Variants in PCLO observed in about 807,000 individuals in gnomAD.
PCLO encodes protein piccolo.
A neutral mutation model predicts 427.5 loss-of-function variants in PCLO; 82 were observed. The ratio of observed to expected loss-of-function variants is 0.19; its 90% CI spans 0.16 to 0.23. The LOEUF is 0.23. PCLO is among the 10% of genes least tolerant of loss of function. The pLI is 1.00. For synonymous variants in PCLO, 2,357 were observed against 2,155.4 expected (o/e 1.09, Z -2.59); for missense variants, 6,239 against 6,115.9 (o/e 1.02, Z -0.67).
chr7:82,805,652 A>C (rs776830780), intron 21 of PCLO, 36 bp downstream of exon 21: 3 of 1,601,918 alleles, frequency 1.9e-6, no homozygotes, highest in Non-Finnish European at 2.6e-6. Context: ...CATGATGCTG[A>C]GTAAGCTTTG....
At chr7:82,876,849 G>T (rs1428887335) in intron 10 of PCLO, among the ~76,000 whole-genome samples, 1 of 152,036 alleles carries the variant, frequency 6.6e-6, no homozygotes, top group Non-Finnish European at 1.5e-5. Flanking sequence ...TATGGATTTG[G>T]ATTATACAAG....
At chr7:82,912,011 C>A (rs1232478986) in intron 7 of PCLO, among the ~76,000 whole-genome samples, 1 of 152,084 alleles carries the variant, frequency 6.6e-6, no homozygotes, top group Non-Finnish European at 1.5e-5. Flanking sequence ...AAAGATATTT[C>A]AACATCAACA....
rs529631837 is a variant in PCLO at position 82,952,247 on chromosome 7, T to G, written c.8706A>C (p.Thr2902=). 6.2e-7 allele frequency: 1 copy of G among 1,613,800 alleles called. No individual in the cohort carries two copies. The highest frequency in any genetic ancestry group is 8.5e-7 in the Non-Finnish European group (1 of 1,179,844). Residue 2902 remains threonine, a synonymous_variant, in exon 5 of 25, where the codon ACA becomes ACC. Coordinates refer to ENST00000333891, the MANE Select transcript of PCLO (RefSeq NM_033026.6). ...TTACGACTGTTCTGTGAGACTTGGT[T>G]GTACTGAGATCCACTACTTCCCCAT... ...ITDGEVVDLS[T]TKSHRTVVTM... is the part of the protein sequence containing the mutation.
chr7:83,092,946 C>CAAAAAAA (rs10684707), intron 3 of PCLO, among the ~76,000 whole-genome samples: 7 of 89,398 alleles, frequency 7.8e-5, no homozygotes, highest in African/African-American at 8.4e-5. Context: ...GACTCTGTCT[C>CAAAAAAA]AAAAAAAAAA....
rs182065276 is a variant in PCLO at position 82,953,640 on chromosome 7, A to G, written c.7313T>C (p.Leu2438Pro). 6.0e-4 allele frequency: 923 copies of G among 1,535,194 alleles called. 2 individuals carry two copies. Among genetic ancestry groups the G allele is most frequent in the Admixed American group, 1.1e-3 (58 of 55,078 alleles). ...PPPTSPKPTILPKKKLTVASP... is the reference protein window; with the variant it reads ...PPPTSPKPTIPPKKKLTVASP... ...TGCAACTGTTAACTTTTTTTTAGGAAGAATAGTTGGTTTAGGTGAAGTTGG... is the reference window on the plus strand; with the variant it reads ...TGCAACTGTTAACTTTTTTTTAGGAGGAATAGTTGGTTTAGGTGAAGTTGG... Residue 2438 changes from leucine (L) to proline (P), a missense_variant, in exon 5 of 25, where the codon CTT (leucine) becomes CCT (proline). Around this residue, in one of 5 missense-constraint regions of PCLO, gnomAD observed 4,677 missense variants for 4,468.4 expected, o/e 1.05. Transcript: ENST00000333891.
rs138248279 is a variant in PCLO, at chr7:82,874,052, C to T, written c.13654+5285G>A. The stretch of plus-strand genomic sequence containing the variant: ...AGAAATATTGATGCTGTCTTAAATG[C>T]TTAAATTTACATGATTAATTACAAA... On this transcript the variant is annotated intron_variant, in intron 10 of 24. Transcript: ENST00000333891. 1.7e-3 allele frequency among the ~76,000 whole-genome samples: 261 copies of T among 152,166 alleles called. 1 individual carries two copies. The highest frequency in any genetic ancestry group is 6.0e-3 in the African/African-American group (250 of 41,512).
In PCLO at chr7:82,954,413, G is replaced by A; in HGVS notation, c.6540C>T (p.Asp2180=). 6.2e-7 allele frequency: 1 copy of A among 1,613,938 alleles called. No individual in the cohort carries two copies. Among genetic ancestry groups the A allele is most frequent in the Non-Finnish European group, 8.5e-7 (1 of 1,179,846 alleles). The change falls in exon 5 of 25, where the codon GAC becomes GAT. Residue 2180 remains aspartate (D), a synonymous_variant. Coordinates refer to ENST00000333891, the MANE Select transcript of PCLO (RefSeq NM_033026.6). ...SESATSVPPS[D]TPSLTSSVSS... is the part of the protein sequence containing the mutation. ...AAACAGATGATGTGAGAGAAGGTGT[G>A]TCAGAGGGTGGGACAGATGTAGCAC...
intron 9 of PCLO, among the ~76,000 whole-genome samples, chr7:82,894,792 T>C (rs1793861018): frequency 6.6e-6 from 1 of 151,994 alleles, no homozygotes; most frequent in Non-Finnish European, 1.5e-5. Flanking sequence ...GTGGCAGACT[T>C]GCAATTTATT....
chr7:82,823,439 T>C (rs1791846004), intron 19 of PCLO, among the ~76,000 whole-genome samples: 1 of 152,172 alleles, frequency 6.6e-6, no homozygotes, highest in Non-Finnish European at 1.5e-5. Flanking sequence ...TCAAGTCCAA[T>C]ATAAAAATTA....
intron 14 of PCLO, among the ~76,000 whole-genome samples, chr7:82,838,859 T>C (rs951076519): frequency 6.6e-6 from 1 of 152,000 alleles, no homozygotes; most frequent in African/African-American, 2.4e-5. Context: ...TTTAATGTTA[T>C]ATTATCTGAT....
chr7:82,763,734 T>G (rs538644618), intron 22 of PCLO, among the ~76,000 whole-genome samples: 2 of 152,202 alleles, frequency 1.3e-5, no homozygotes, highest in East Asian at 3.9e-4. Flanking sequence ...CAAAATTATC[T>G]TCTATAAGTT....
Position 83,154,991 on chromosome 7 carries a change from C to T in PCLO, c.1650G>A (p.Ser550=), listed in dbSNP as rs780915122. 18 of 1,613,734 alleles carry T rather than the reference C, an allele frequency of 1.1e-5. No homozygotes were observed. The highest frequency in any genetic ancestry group is 5.0e-5 in the Admixed American group (3 of 59,984). ...TTACTGGTTTTGTAGATTGCTGAGC[C>T]GAGGGCTTTGCTGGGCTAGGCTGTT... The part of the protein sequence containing the change: ...SAQQPSPAKP[S]AQQSTKPVSQ... The change falls in exon 2 of 25, where the codon TCG becomes TCA. Residue 550 remains serine, a synonymous_variant. Coordinates refer to ENST00000333891, the MANE Select transcript of PCLO (RefSeq NM_033026.6).
At chr7:82,805,631 A>G in intron 21 of PCLO, 57 bp downstream of exon 21, 1 of 1,531,644 alleles carries the variant, frequency 6.5e-7, no homozygotes, top group South Asian at 1.2e-5. Context: ...AACTGTTGAG[A>G]ATGCCTTACT....
chr7:83,148,464 C>A (rs1039108545), intron 2 of PCLO, among the ~76,000 whole-genome samples: 3 of 152,094 alleles, frequency 2.0e-5, no homozygotes, highest in Non-Finnish European at 4.4e-5. Flanking sequence ...TCTCATATTC[C>A]CAGAGTCTAG....
chr7:82,998,750 C>G (rs1787698365), intron 3 of PCLO, among the ~76,000 whole-genome samples: 1 of 151,810 alleles, frequency 6.6e-6, no homozygotes, highest in African/African-American at 2.4e-5. Context: ...CCCAATACAT[C>G]ATATCCAGCT....
intron 22 of PCLO, among the ~76,000 whole-genome samples, chr7:82,772,355 T>G (rs188480506): frequency 6.6e-6 from 1 of 152,300 alleles, no homozygotes; most frequent in East Asian, 1.9e-4. Flanking sequence ...TTAATTTCAT[T>G]TTTATTTATA....
intron 10 of PCLO, among the ~76,000 whole-genome samples, chr7:82,874,872 C>T (rs1793332067): frequency 6.6e-6 from 1 of 152,112 alleles, no homozygotes; most frequent in Admixed American, 6.6e-5. Flanking sequence ...ACATTGTATA[C>T]CATTGAATAC....
At chr7:83,037,966 T>A (rs1448453206) in intron 3 of PCLO, among the ~76,000 whole-genome samples, 1 of 109,122 alleles carries the variant, frequency 9.2e-6, no homozygotes, top group Non-Finnish European at 1.9e-5. Context: ...CCGTGTTAGT[T>A]GTGTGGAGGT....
intron 9 of PCLO, among the ~76,000 whole-genome samples, chr7:82,890,419 C>A (rs1277335315): frequency 6.6e-6 from 1 of 151,686 alleles, no homozygotes; most frequent in Non-Finnish European, 1.5e-5. Flanking sequence ...TAAGCAAGGA[C>A]TGTACCACAG....
Sources: gnomAD v4.1 joint callset for allele counts (sites outside exome capture counted in the v4.1 genomes callset) on GRCh38, gnomAD v4.1.1 for gene constraint, gnomAD v4.1.1 regional missense constraint, MANE v1.5 for transcripts, NCBI Gene and HGNC (gene_info 2026-07-23, HGNC 2026-07-21) for gene names.